The following RHD variants were observed in gnomAD, a reference collection of about 807,000 sequenced individuals.
RHD encodes blood group Rh(D) polypeptide.
RHD carries 16 observed loss-of-function variants against 45.5 expected under a neutral mutation model. The observed-to-expected ratio is 0.35, with a 90% CI of 0.24 to 0.53. The LOEUF (loss-of-function observed/expected upper bound fraction) is 0.53. Among genes scored for constraint, RHD ranks in the 20% least tolerant of loss-of-function variants. The pLI, the probability that RHD is intolerant of heterozygous loss-of-function variation, is 0.92. For missense variants in RHD, 306 were observed against 532.0 expected, an observed-to-expected ratio of 0.58 and a Z score of 4.18; for synonymous variants, 131 against 217.5, an observed-to-expected ratio of 0.60 and a Z score of 3.50.
intron 2 of RHD, 120 bp from the exon 3 acceptor site, chr1:25,290,521 A>T: frequency 1.1e-6 from 1 of 928,144 alleles, no homozygotes. Flanking sequence ...TTCTATTCCC[A>T]CAGAAAGTAG....
At chr1:25,306,043 A>G (rs1049039877) in intron 6 of RHD, among the ~76,000 whole-genome samples, 4 of 130,998 alleles carry the variant, frequency 3.1e-5, no homozygotes, top group Middle Eastern at 3.7e-3. Context: ...TAGGGATCTG[A>G]AGGTGTGGCC....
rs1364237973 is a variant in RHD, at chr1:25,290,647, GC to G, written c.343del (p.Leu115TrpfsTer4). 1.5e-5 allele frequency: 21 copies of G among 1,377,916 alleles called. 8 individuals carry two copies. The highest frequency in any genetic ancestry group is 2.1e-5 in the Non-Finnish European group (21 of 977,930). 85.4% of individuals were successfully genotyped at this position (1,377,916 alleles called of 1,614,324 possible). A position where few individuals can be genotyped will look rare whatever the true frequency, so the allele number is the denominator to read the frequency against. On this transcript the variant is annotated frameshift_variant, in exon 3 of 10. Transcript: ENST00000328664. LOFTEE classifies it high-confidence loss of function. Reference sequence around the variant, plus strand: ...CTCTCCCTCTCTCCCCCAGTATTCGGCTGGCCACCATGAGTGCTTTGTCGGT... The same window carrying G: ...CTCTCCCTCTCTCCCCCAGTATTCGGTGGCCACCATGAGTGCTTTGTCGGT... ...KVVITLFSIR[L>X]ATMSALSVLI... is the part of the protein sequence containing the mutation.
rs540526792 is a variant in RHD, at chr1:25,275,359, A to C, written c.148+2664A>C. ...GGCAGACTCACTGGGCTGCATACGA[A>C]GTTTGGCTTCAGTCTGAGGTCCGAA... On this transcript the variant is annotated intron_variant, in intron 1 of 9. Transcript: ENST00000328664. 3.7e-4 allele frequency among the ~76,000 whole-genome samples: 49 copies of C among 132,420 alleles called. 3 individuals carry two copies. In the East Asian group the frequency reaches 4.9e-3, roughly 13 times the overall value. 86.9% of individuals were successfully genotyped at this position (132,420 alleles called of 152,430 possible). A position where few individuals can be genotyped will look rare whatever the true frequency, so the allele number is the denominator to read the frequency against.
At chr1:25,308,027 G>C (rs1643943442) in intron 7 of RHD, among the ~76,000 whole-genome samples, 1 of 28,228 alleles carries the variant, frequency 3.5e-5, no homozygotes, top group South Asian at 2.8e-3. Flanking sequence ...GAACAGGCAG[G>C]GGAAGTTAGA....
Position 25,284,528 on chromosome 1 carries a change from C to T in RHD, c.149-45C>T, listed in dbSNP as rs752469034. ...TCTAATTTCATACCACCCTAAATCT[C>T]GTCTGCTTCCCCCTCGTCCTTCTCG... On this transcript the variant is annotated intron_variant, in intron 1 of 9. Transcript: ENST00000328664. 11 of 1,364,508 alleles carry T rather than the reference C, an allele frequency of 8.1e-6. 1 individual carries two copies. Among genetic ancestry groups the T allele is most frequent in the Middle Eastern group, 1.8e-4 (1 of 5,492 alleles). 84.5% of individuals were successfully genotyped at this position (1,364,508 alleles called of 1,614,324 possible). A position where few individuals can be genotyped will look rare whatever the true frequency, so the allele number is the denominator to read the frequency against.
At position 25,313,334 on chromosome 1, in the gene RHD, T is replaced by G. The variant is rs1349986205; in HGVS notation, c.1074-3666T>G. On this transcript the variant is annotated intron_variant, in intron 7 of 9. Coordinates refer to ENST00000328664, the MANE Select transcript of RHD (RefSeq NM_016124.6). ...GAACCATGAGCTATATATACTTATT[T>G]TACAAATTACCCATTCTGTGGTATT... 3.8e-5 allele frequency among the ~76,000 whole-genome samples: 5 copies of G among 132,720 alleles called. 2 individuals carry two copies. The highest frequency in any genetic ancestry group is 2.3e-4 in the South Asian group (1 of 4,376). The allele number at this position is 132,720 out of a possible 152,430, so 87.1% of individuals were successfully genotyped here.
Position 25,291,633 on chromosome 1 carries a change from T to C in RHD, c.486+842T>C. ...GATTGTGCTATTCATGATATAATTATGGTTATATAAAAGTAATTAATTCTC... is the reference window on the plus strand; with the variant it reads ...GATTGTGCTATTCATGATATAATTACGGTTATATAAAAGTAATTAATTCTC... On this transcript the variant is annotated intron_variant, in intron 3 of 9. Coordinates refer to ENST00000328664, the MANE Select transcript of RHD (RefSeq NM_016124.6). 1.5e-5 allele frequency among the ~76,000 whole-genome samples: 2 copies of C among 132,392 alleles called. 1 individual carries two copies. Among genetic ancestry groups the C allele is most frequent in the Non-Finnish European group, 3.6e-5 (2 of 55,980 alleles). 86.9% of individuals were successfully genotyped at this position (132,392 alleles called of 152,430 possible).
intron 7 of RHD, chr1:25,307,963 C>A (rs1330492337): frequency 1.4e-6 from 1 of 719,598 alleles, no homozygotes; most frequent in Non-Finnish European, 2.2e-6. Context: ...CTGAGAGTTC[C>A]CCTCTGAAAG....
At chr1:25,322,900 C>T (rs2124164440) in intron 9 of RHD, among the ~76,000 whole-genome samples, 1 of 122,608 alleles carries the variant, frequency 8.2e-6, no homozygotes, top group Admixed American at 8.1e-5. Context: ...AGAAGTAAAA[C>T]AGGCAAAAAA....
rs1394965802 is a variant in RHD at position 25,307,657 on chromosome 1, T to G, written c.1073+928T>G. 2.4e-6 allele frequency: 3 copies of G among 1,263,884 alleles called. No homozygotes were observed. In the South Asian group the frequency reaches 3.9e-5, roughly 16 times the overall value. 78.3% of individuals were successfully genotyped at this position (1,263,884 alleles called of 1,614,324 possible). A position where few individuals can be genotyped will look rare whatever the true frequency, so the allele number is the denominator to read the frequency against. ...AGTTATCTGCCCAAGGTCACTCGGC[T>G]GGAACCTGGCTGTAAAAATGGCTGA... On this transcript the variant is annotated intron_variant, in intron 7 of 9. Coordinates refer to ENST00000328664, the MANE Select transcript of RHD (RefSeq NM_016124.6).
In RHD at chr1:25,299,098, C is replaced by T. The variant is rs112387058; in HGVS notation, c.487-1848C>T. ...AAAAAAAAAAAAAAAAAAAAAAAAACAGGCTGGGAGCAGTGGCTCATGCCT... is the reference window on the plus strand; with the variant it reads ...AAAAAAAAAAAAAAAAAAAAAAAAATAGGCTGGGAGCAGTGGCTCATGCCT... On this transcript the variant is annotated intron_variant, in intron 3 of 9. Transcript: ENST00000328664. Among the ~76,000 whole-genome samples the T allele has an allele frequency of 8.6e-5, 7 of 81,210 alleles. 1 individual carries two copies. Among genetic ancestry groups the T allele is most frequent in the African/African-American group, 1.7e-4 (4 of 23,922 alleles). The allele number at this position is 81,210 out of a possible 152,430, so 53.3% of individuals were successfully genotyped here.
chr1:25,300,627 C>T (rs1299703584), intron 3 of RHD, among the ~76,000 whole-genome samples: 1 of 130,664 alleles, frequency 7.7e-6, no homozygotes, highest in South Asian at 2.3e-4. Flanking sequence ...CTGGCAAACA[C>T]GGTGAAACCC....
chr1:25,301,944 C>G (rs149996494), intron 5 of RHD, among the ~76,000 whole-genome samples: 2,759 of 129,958 alleles, frequency 0.021, 365 homozygotes, highest in African/African-American at 0.035. Flanking sequence ...AAACAGACCT[C>G]AGTTTGAACC....
rs1644971600 is a variant in RHD, at chr1:25,330,168, A to G, written c.*1244A>G. The G allele has an allele frequency of 7.5e-6, 1 of 132,490 alleles. No individual in the cohort carries two copies. The highest frequency in any genetic ancestry group is 1.8e-5 in the Non-Finnish European group (1 of 55,986). The allele number at this position is 132,490 out of a possible 1,614,324, so 8.2% of individuals were successfully genotyped here. A position where few individuals can be genotyped will look rare whatever the true frequency, so the allele number is the denominator to read the frequency against. ...GATTGCATATGCATCCCAAGATTAT[A>G]TTATTGTTTTCTACTGCTATGTGTC... On this transcript the variant is annotated 3_prime_UTR_variant, in exon 10 of 10. Coordinates refer to ENST00000328664, the MANE Select transcript of RHD (RefSeq NM_016124.6).
chr1:25,284,040 G>A (rs572120460), intron 1 of RHD, among the ~76,000 whole-genome samples: 2 of 135,140 alleles, frequency 1.5e-5, no homozygotes, highest in Admixed American at 7.1e-5. Flanking sequence ...AGGCGGCAAA[G>A]GGAGGGAGGT....
At chr1:25,302,033 C>G (rs1304882034) in intron 5 of RHD, among the ~76,000 whole-genome samples, 1 of 130,524 alleles carries the variant, frequency 7.7e-6, no homozygotes, top group Non-Finnish European at 1.8e-5. Context: ...TAGCCAGCCT[C>G]TCTCTTCCCC....
rs746526639 is a variant in RHD at position 25,307,705 on chromosome 1, C to A, written c.1073+976C>A. 2.3e-6 allele frequency: 3 copies of A among 1,307,900 alleles called. 1 individual carries two copies. Among genetic ancestry groups the A allele is most frequent in the Non-Finnish European group, 3.2e-6 (3 of 949,906 alleles). The allele number at this position is 1,307,900 out of a possible 1,614,324, so 81.0% of individuals were successfully genotyped here. A position where few individuals can be genotyped will look rare whatever the true frequency, so the allele number is the denominator to read the frequency against. On this transcript the variant is annotated intron_variant, in intron 7 of 9. Transcript: ENST00000328664. ...TGAAGCAGGTGATGAGGAGCTGATG[C>A]GTTTGGACGTGTCTCAGAGAAATCA...
At chr1:25,324,614 A>C (rs1435410502) in intron 9 of RHD, among the ~76,000 whole-genome samples, 2 of 151,258 alleles carry the variant, frequency 1.3e-5, no homozygotes, top group Admixed American at 6.6e-5. Context: ...GTGAAAGTTT[A>C]TTACTAGGGA....
rs1280542188 is a variant in RHD at position 25,289,406 on chromosome 1, G to A, written c.336-1235G>A. 4.6e-5 allele frequency among the ~76,000 whole-genome samples: 6 copies of A among 129,686 alleles called. 3 individuals are homozygous for A. Among genetic ancestry groups the A allele is most frequent in the African/African-American group, 1.0e-4 (4 of 38,324 alleles). The allele number at this position is 129,686 out of a possible 152,430, so 85.1% of individuals were successfully genotyped here. A position where few individuals can be genotyped will look rare whatever the true frequency, so the allele number is the denominator to read the frequency against. Reference sequence around the variant, plus strand: ...GACAGAGTTTCACCATGTTGGCCAGGCCACTCTTGAACCCCTGGCCTCAAG... The same window carrying A: ...GACAGAGTTTCACCATGTTGGCCAGACCACTCTTGAACCCCTGGCCTCAAG... On this transcript the variant is annotated intron_variant, in intron 2 of 9. Transcript: ENST00000328664.
Sources: gnomAD v4.1 joint callset for allele counts (sites outside exome capture counted in the v4.1 genomes callset) on GRCh38, gnomAD v4.1.1 for gene constraint, MANE v1.5 for transcripts, NCBI Gene and HGNC (gene_info 2026-07-23, HGNC 2026-07-21) for gene names.